The following KCNH7 variants were observed in gnomAD, a reference collection of about 807,000 sequenced individuals.
The protein encoded by KCNH7 is potassium voltage-gated channel subfamily H member 7, also known as voltage-gated inwardly rectifying potassium channel KCNH7.
KCNH7 carries 49 observed loss-of-function variants against 120.8 expected under a neutral mutation model. That is an observed-to-expected ratio of 0.41 (90% confidence interval 0.32 to 0.51). The LOEUF is 0.51. Among genes scored for constraint, KCNH7 ranks in the 20% least tolerant of loss-of-function variants. KCNH7 has a pLI of 0.38. For missense variants in KCNH7, 1,097 were observed against 1,446.6 expected (o/e 0.76, Z 3.92); for synonymous variants, 547 against 516.1 (o/e 1.06, Z -0.81).
chr2:162,757,228 G>C (rs1023640696), intron 2 of KCNH7, among the ~76,000 whole-genome samples: 6 of 152,084 alleles, frequency 3.9e-5, no homozygotes, highest in Non-Finnish European at 7.4e-5. Flanking sequence ...TCTGGTGCCA[G>C]CTAAAATTAA....
intron 2 of KCNH7, among the ~76,000 whole-genome samples, chr2:162,759,655 G>A (rs1688902086): frequency 6.6e-6 from 1 of 151,712 alleles, no homozygotes; most frequent in Non-Finnish European, 1.5e-5. Flanking sequence ...AGAAAGGGAG[G>A]GAGGGAAAGA....
At position 162,522,201 on chromosome 2, in the gene KCNH7, A is replaced by C. The variant is rs143789543; in HGVS notation, c.464-4043T>G. ...AAGTCATTTGATTAGTCTTTAATGC[A>C]CATGAAATTGAGTTTTAAAGCAGTT... On this transcript the variant is annotated intron_variant, in intron 3 of 15. Coordinates refer to ENST00000332142, the MANE Select transcript of KCNH7 (RefSeq NM_033272.4). Among the ~76,000 whole-genome samples the C allele has an allele frequency of 9.9e-5, 15 of 152,062 alleles. 1 individual carries two copies. The highest frequency in any genetic ancestry group is 3.4e-4 in the African/African-American group (14 of 41,564).
chr2:162,675,371 A>C (rs1222189938), intron 2 of KCNH7, among the ~76,000 whole-genome samples: 2 of 151,580 alleles, frequency 1.3e-5, no homozygotes, highest in Non-Finnish European at 3.0e-5. Context: ...CTCCTGAAGA[A>C]AATAAATTGA....
chr2:162,562,213 A>T (rs960334106), intron 2 of KCNH7, among the ~76,000 whole-genome samples: 4 of 152,296 alleles, frequency 2.6e-5, no homozygotes, highest in South Asian at 2.1e-4. Flanking sequence ...GTATAATTTT[A>T]AAAAAAGTAA....
At chr2:162,764,605 T>C (rs1689083224) in intron 2 of KCNH7, among the ~76,000 whole-genome samples, 1 of 152,114 alleles carries the variant, frequency 6.6e-6, no homozygotes, top group South Asian at 2.1e-4. Context: ...TCACTCTCTT[T>C]ACAGATTACT....
intron 2 of KCNH7, among the ~76,000 whole-genome samples, chr2:162,561,006 A>G (rs1693043256): frequency 6.6e-6 from 1 of 152,074 alleles, no homozygotes; most frequent in Non-Finnish European, 1.5e-5. Flanking sequence ...ATATGGAACT[A>G]TAGTAGTTAG....
chr2:162,768,747 G>A (rs551939396), intron 2 of KCNH7, among the ~76,000 whole-genome samples: 1 of 151,964 alleles, frequency 6.6e-6, no homozygotes, highest in African/African-American at 2.4e-5. Context: ...AAGTGTGAAT[G>A]CAGGCTGTAG....
intron 2 of KCNH7, among the ~76,000 whole-genome samples, chr2:162,822,126 T>A (rs527650852): frequency 6.7e-5 from 10 of 149,722 alleles, no homozygotes; most frequent in African/African-American, 2.4e-4. Context: ...CATTTTAAAT[T>A]TTCAAAAACC....
intron 2 of KCNH7, among the ~76,000 whole-genome samples, chr2:162,570,564 C>T (rs1296082484): frequency 2.8e-5 from 4 of 145,146 alleles, no homozygotes; most frequent in African/African-American, 1.0e-4. Flanking sequence ...TGAATTTGAT[C>T]CTGTCATTAT....
rs79901472 is a variant in KCNH7, at chr2:162,527,527, G to A, written c.464-9369C>T. The stretch of plus-strand genomic sequence containing the variant: ...AATTTGAGGAAGTAATGTAGCTATT[G>A]AGGCAAATGTGTATTTTATGTGTCA... On this transcript the variant is annotated intron_variant, in intron 3 of 15. Coordinates refer to ENST00000332142, the MANE Select transcript of KCNH7 (RefSeq NM_033272.4). Among the ~76,000 whole-genome samples the A allele has an allele frequency of 1.2e-3, 183 of 152,094 alleles. 4 individuals are homozygous for A. The East Asian group carries it at 0.024, about 20-fold the overall frequency.
chr2:162,384,783 G>A lies in KCNH7; in HGVS notation c.2867C>T (p.Ser956Phe), dbSNP rs753557619. Residue 956 changes from serine to phenylalanine, a missense_variant, in exon 13 of 16, where the codon TCT becomes TTT. Ser to Phe is a radical substitution (Grantham distance 155). Transcript: ENST00000332142. ...KPLFSGIVDS[S>F]PGIGKASGLD... ...CCCAGATGCTTTCCCTATTCCTGGAGAAGAGTCTACTATTCCTGAGAAGAG... is the reference window on the plus strand; with the variant it reads ...CCCAGATGCTTTCCCTATTCCTGGAAAAGAGTCTACTATTCCTGAGAAGAG... 9 of 1,612,722 alleles carry A rather than the reference G, an allele frequency of 5.6e-6. No individual in the cohort carries two copies. The South Asian group carries it at 9.9e-5, about 18-fold the overall frequency.
intron 2 of KCNH7, among the ~76,000 whole-genome samples, chr2:162,746,953 A>G (rs1396608997): frequency 6.6e-6 from 1 of 152,158 alleles, no homozygotes; most frequent in Non-Finnish European, 1.5e-5. Flanking sequence ...GCCACTGATA[A>G]TTAAAAATCT....
chr2:162,505,439 A>G (rs1690839050), intron 5 of KCNH7, among the ~76,000 whole-genome samples: 2 of 152,042 alleles, frequency 1.3e-5, no homozygotes, highest in East Asian at 3.9e-4. Flanking sequence ...ACAGCTAGGT[A>G]ATAGGGCATG....
chr2:162,372,414 A>C (rs1685986685), intron 15 of KCNH7, among the ~76,000 whole-genome samples: 2 of 152,140 alleles, frequency 1.3e-5, no homozygotes, highest in Admixed American at 6.6e-5. Context: ...AATTGGGATG[A>C]GGAATGGGAT....
In KCNH7 at chr2:162,371,803, T is replaced by C. The variant is rs764940868; in HGVS notation, c.*26A>G. ...ACAGCCATTAAAAGCACTTACATTGTATGTGGAGTAAATAGTACAAAATGA... is the reference window on the plus strand; with the variant it reads ...ACAGCCATTAAAAGCACTTACATTGCATGTGGAGTAAATAGTACAAAATGA... On this transcript the variant is annotated 3_prime_UTR_variant, in exon 16 of 16. Transcript: ENST00000332142. The C allele has an allele frequency of 4.3e-5, 69 of 1,590,470 alleles. No individual in the cohort carries two copies. Among genetic ancestry groups the C allele is most frequent in the Non-Finnish European group, 5.2e-5 (61 of 1,162,790 alleles).
At chr2:162,464,184 A>G (rs1689238150) in intron 6 of KCNH7, among the ~76,000 whole-genome samples, 1 of 152,034 alleles carries the variant, frequency 6.6e-6, no homozygotes, top group Non-Finnish European at 1.5e-5. Context: ...CTTGATGTAG[A>G]AGCATAATTT....
chr2:162,379,715 C>T (rs1039280019), intron 14 of KCNH7, 138 bp downstream of exon 14: 2 of 801,000 alleles, frequency 2.5e-6, no homozygotes, highest in Non-Finnish European at 3.9e-6. Context: ...CTGTCAACTT[C>T]TAGTCTTATT....
chr2:162,473,050 A>G (rs1042525392), intron 6 of KCNH7, among the ~76,000 whole-genome samples: 2 of 151,656 alleles, frequency 1.3e-5, no homozygotes, highest in Non-Finnish European at 2.9e-5. Flanking sequence ...GAAGGGGAAC[A>G]CCACACACCG....
At chr2:162,779,530 G>C (rs7567363) in intron 2 of KCNH7, among the ~76,000 whole-genome samples, 1 of 152,010 alleles carries the variant, frequency 6.6e-6, no homozygotes, top group African/African-American at 2.4e-5. Context: ...TTTTATACGC[G>C]TGCACACAAT....
Sources: allele counts gnomAD v4.1 joint callset (sites outside exome capture counted in the v4.1 genomes callset), GRCh38; gene constraint gnomAD v4.1.1; transcripts MANE v1.5; gene names NCBI Gene and HGNC (gene_info 2026-07-23, HGNC 2026-07-21).